BOD1L1: variants seen among roughly 807,000 people sequenced by gnomAD.
BOD1L1 encodes the protein biorientation of chromosomes in cell division protein 1-like 1.
BOD1L1 carries 86 observed loss-of-function variants against 240.7 expected under a neutral mutation model. The observed-to-expected ratio is 0.36, with a 90% CI of 0.30 to 0.43. The LOEUF (loss-of-function observed/expected upper bound fraction) is 0.43. BOD1L1 is among the 20% of genes least tolerant of loss of function. The pLI is 1.00. For synonymous variants in BOD1L1, 1,268 were observed against 1,272.3 expected (o/e 1.00, Z 0.07); for missense variants, 3,554 against 3,643.5 (o/e 0.98, Z 0.63).
At position 13,613,464 on chromosome 4, in the gene BOD1L1, A is replaced by C; in HGVS notation, c.1324+48T>G. 6.5e-7 allele frequency: 1 copy of C among 1,539,840 alleles called. No individual in the cohort carries two copies. The highest frequency in any genetic ancestry group is 8.9e-7 in the Non-Finnish European group (1 of 1,126,032). ...GATATAGCCATCAGAATATACAAAT[A>C]ATGCTTGACAGGATGCTTCAGAGGC... On this transcript the variant is annotated intron_variant, in intron 5 of 25. Coordinates refer to ENST00000040738, the MANE Select transcript of BOD1L1 (RefSeq NM_148894.3). The surrounding 1 kb of genome is among the most constrained non-coding windows in gnomAD (Gnocchi z 4.0).
At chr4:13,590,755 C>G (rs1275510219) in intron 13 of BOD1L1, among the ~76,000 whole-genome samples, 1 of 152,068 alleles carries the variant, frequency 6.6e-6, no homozygotes, top group African/African-American at 2.4e-5. Context: ...CATCCAAATC[C>G]TGCATGATTT....
At chr4:13,617,858 CT>C (rs1236176787) in intron 2 of BOD1L1, among the ~76,000 whole-genome samples, 3 of 152,192 alleles carry the variant, frequency 2.0e-5, no homozygotes. Flanking sequence ...TAGTCCACCC[CT>C]ATACCTTCAG....
intron 15 of BOD1L1, among the ~76,000 whole-genome samples, chr4:13,588,204 A>G (rs866675375): frequency 2.5e-3 from 376 of 150,244 alleles, no homozygotes; most frequent in Non-Finnish European, 4.3e-3. Flanking sequence ...AAAAAAAAAG[A>G]AAAAAAAATC....
Position 13,601,961 on chromosome 4 carries a change from T to C in BOD1L1, c.4939A>G (p.Thr1647Ala). 3.7e-6 allele frequency: 6 copies of C among 1,614,006 alleles called. No individual in the cohort carries two copies. Among genetic ancestry groups the C allele is most frequent in the South Asian group, 1.1e-5 (1 of 91,086 alleles). ...KIEANVNSVVTEEKDDAVTSA... is the reference protein window; with the variant it reads ...KIEANVNSVVAEEKDDAVTSA... ...GTTACAGCATCATCCTTTTCCTCTG[T>C]CACAACGCTATTTACATTGGCTTCG... is the stretch of plus-strand genomic sequence containing the variant. The change falls in exon 10 of 26, where the codon ACA becomes GCA. Residue 1647 changes from threonine to alanine, a missense_variant. Thr to Ala is a moderately conservative substitution (Grantham distance 58). Transcript: ENST00000040738.
chr4:13,617,779 G>T (rs146751519), intron 2 of BOD1L1, among the ~76,000 whole-genome samples: 1 of 152,248 alleles, frequency 6.6e-6, no homozygotes, highest in Non-Finnish European at 1.5e-5. Context: ...CAACCTAATG[G>T]AGTCAAGTGA....
chr4:13,579,939 A>C lies in BOD1L1; in HGVS notation c.8738T>G (p.Val2913Gly). 1 of 1,562,092 alleles carries C rather than the reference A, an allele frequency of 6.4e-7. No individual in the cohort carries two copies. Among genetic ancestry groups the C allele is most frequent in the South Asian group, 1.2e-5 (1 of 84,632 alleles). Residue 2913 changes from valine (V) to glycine (G), a missense_variant, in exon 22 of 26, where the codon GTA (valine) becomes GGA (glycine). Val to Gly is a moderately radical substitution (Grantham distance 109, BLOSUM62 -3). Coordinates refer to ENST00000040738, the MANE Select transcript of BOD1L1 (RefSeq NM_148894.3). ...CGGTAGGTACATACCTGTTTGCATT[A>C]CTTTCAGTTTGCTGCTAGATGGAGA... is the stretch of plus-strand genomic sequence containing the variant. ...EQSPSSSKLK[V>G]MQTDESNKET...
intron 2 of BOD1L1, among the ~76,000 whole-genome samples, chr4:13,616,317 T>C (rs1459041150): frequency 6.6e-6 from 1 of 152,196 alleles, no homozygotes; most frequent in Non-Finnish European, 1.5e-5. Context: ...ATGTCGAAGA[T>C]AATTTAGGAG....
At position 13,599,830 on chromosome 4, in the gene BOD1L1, G is replaced by A; in HGVS notation, c.7070C>T (p.Pro2357Leu). The change falls in exon 10 of 26, where the codon CCA (proline) becomes CTA (leucine). Residue 2357 changes from proline to leucine, a missense_variant. By Grantham distance (98) the Pro-to-Leu change is moderately conservative. Transcript: ENST00000040738. Reference sequence around the variant, plus strand: ...GGCTGACAGGTCACCGTTCCCTTCTGGGTTGTCTGCAGTCAGCTGATTCTC... The same window carrying A: ...GGCTGACAGGTCACCGTTCCCTTCTAGGTTGTCTGCAGTCAGCTGATTCTC... ...HEENQLTADN[P>L]EGNGDLSATE... 6.2e-7 allele frequency: 1 copy of A among 1,614,008 alleles called. No individual in the cohort carries two copies. Among genetic ancestry groups the A allele is most frequent in the Non-Finnish European group, 8.5e-7 (1 of 1,179,884 alleles).
intron 17 of BOD1L1, 53 bp from the exon 18 acceptor site, chr4:13,582,789 C>T: frequency 1.7e-6 from 2 of 1,205,062 alleles, no homozygotes; most frequent in African/African-American, 1.5e-5. Flanking sequence ...AGCCTTCGTC[C>T]ATTCATCCTC....
intron 3 of BOD1L1, 147 bp from the exon 4 acceptor site, chr4:13,614,957 A>G (rs1013954683): frequency 5.8e-6 from 5 of 862,446 alleles, no homozygotes; most frequent in African/African-American, 5.1e-5. Context: ...AGGTACCAGT[A>G]CTAGTATATA....
chr4:13,581,310 G>C, intron 19 of BOD1L1, 103 bp from the exon 20 acceptor site: 1 of 777,660 alleles, frequency 1.3e-6, no homozygotes, highest in Non-Finnish European at 2.0e-6. Context: ...CTGTCTAAGA[G>C]ACCTCAAATC....
chr4:13,601,170 A>C lies in BOD1L1; in HGVS notation c.5730T>G (p.Thr1910=). The stretch of plus-strand genomic sequence containing the variant: ...CCTCAGCTTCCACATGCTCTACCAC[A>C]GTACCAATCTGACTGTCCCCTTCTG... The part of the protein sequence containing the change: ...ESAEGDSQIG[T]VVEHVEAEAG... The change falls in exon 10 of 26, where the codon ACT becomes ACG. Residue 1910 remains threonine, a synonymous_variant. Transcript: ENST00000040738. The C allele has an allele frequency of 6.2e-7, 1 of 1,613,970 alleles. No homozygotes were observed. Among genetic ancestry groups the C allele is most frequent in the East Asian group, 2.2e-5 (1 of 44,872 alleles).
chr4:13,626,670 T>G (rs148689873), intron 1 of BOD1L1, among the ~76,000 whole-genome samples: 47 of 152,324 alleles, frequency 3.1e-4, no homozygotes, highest in Middle Eastern at 3.4e-3. Flanking sequence ...ATTACTCTCC[T>G]GAATCTGCTC....
At chr4:13,618,710 G>C (rs996309768) in intron 2 of BOD1L1, among the ~76,000 whole-genome samples, 24 of 152,178 alleles carry the variant, frequency 1.6e-4, no homozygotes, top group African/African-American at 5.8e-4. Context: ...AGTATTACCT[G>C]TGGCTAAATA....
chr4:13,603,357 A>G lies in BOD1L1; in HGVS notation c.3543T>C (p.Tyr1181=), dbSNP rs1715389131. Residue 1181 remains tyrosine, a synonymous_variant, in exon 10 of 26, where the codon TAT becomes TAC. Transcript: ENST00000040738. ...TAACTCCTGTTCCACGGCCTGGCTT[A>G]TAAGCTGGAGCTGTTGCTTTTGAAT... ...TADSKATAPA[Y]KPGRGTGVNS... 4 of 1,614,018 alleles carry G rather than the reference A, an allele frequency of 2.5e-6. No homozygotes were observed. Among genetic ancestry groups the G allele is most frequent in the Non-Finnish European group, 8.5e-7 (1 of 1,179,900 alleles).
Position 13,602,790 on chromosome 4 carries a change from G to A in BOD1L1, c.4110C>T (p.His1370=), listed in dbSNP as rs1358119259. 1 of 1,613,976 alleles carries A rather than the reference G, an allele frequency of 6.2e-7. No homozygotes were observed. ...GTTTACCATCCAATAAAGTAGCCTG[G>A]TGAGCTTCTGGAATGTGTCTTTTGC... The part of the protein sequence containing the change: ...ITSKRHIPEA[H]QATLLDGKQG... Residue 1370 remains histidine, a synonymous_variant, in exon 10 of 26, where the codon CAC becomes CAT. Coordinates refer to ENST00000040738, the MANE Select transcript of BOD1L1 (RefSeq NM_148894.3).
chr4:13,619,906 T>C, intron 2 of BOD1L1, 37 bp downstream of exon 2: 1 of 1,605,414 alleles, frequency 6.2e-7, no homozygotes, highest in Non-Finnish European at 8.5e-7. Flanking sequence ...GGTTAGGACA[T>C]TTAAAACCTG....
Position 13,603,301 on chromosome 4 carries a change from C to G in BOD1L1, c.3599G>C (p.Arg1200Thr). Residue 1200 changes from arginine to threonine, a missense_variant, in exon 10 of 26, where the codon AGA becomes ACA. Around this residue, in one of 2 missense-constraint regions of BOD1L1, gnomAD observed 3,393 missense variants for 3,427.1 expected, o/e 0.99. Transcript: ENST00000040738. ...NSNSEKHADHRSTLTKKMHIQ... is the reference protein window; with the variant it reads ...NSNSEKHADHTSTLTKKMHIQ... Reference sequence around the variant, plus strand: ...ATGCATTTTCTTGGTCAAGGTGCTTCTATGATCGGCATGCTTTTCAGAATT... The same window carrying G: ...ATGCATTTTCTTGGTCAAGGTGCTTGTATGATCGGCATGCTTTTCAGAATT... 1 of 1,613,976 alleles carries G rather than the reference C, an allele frequency of 6.2e-7. No homozygotes were observed. The highest frequency in any genetic ancestry group is 8.5e-7 in the Non-Finnish European group (1 of 1,179,892).
intron 1 of BOD1L1, chr4:13,623,934 A>T (rs962464809): frequency 2.0e-5 from 3 of 152,144 alleles, no homozygotes; most frequent in African/African-American, 7.2e-5. Context: ...ATGAACAGGG[A>T]ATCTTCTACT....
Sources: gnomAD v4.1 joint callset for allele counts (sites outside exome capture counted in the v4.1 genomes callset) on GRCh38, gnomAD v4.1.1 for gene constraint, gnomAD v4.1.1 regional missense constraint, Gnocchi (gnomAD v3.1) non-coding constraint, MANE v1.5 for transcripts, NCBI Gene and HGNC (gene_info 2026-07-23, HGNC 2026-07-21) for gene names.